Variants in BICD1 observed in about 807,000 individuals in gnomAD.
BICD1 encodes the protein protein bicaudal D homolog 1.
A neutral mutation model predicts 92.5 loss-of-function variants in BICD1; 35 were observed. The ratio of observed to expected loss-of-function variants is 0.38; its 90% CI spans 0.29 to 0.50. The LOEUF is 0.50. Ranked by LOEUF, BICD1 falls within the 20% of genes least tolerant of loss-of-function variation. BICD1 has a pLI of 0.93. For synonymous variants in BICD1, 429 were observed against 465.1 expected (o/e 0.92, Z 1.00); for missense variants, 950 against 1,189.8 (o/e 0.80, Z 2.97).
rs780512338 is a variant in BICD1, at chr12:32,327,458, C to T, written c.1006-3C>T. 6.3e-7 allele frequency: 1 copy of T among 1,590,226 alleles called. No homozygotes were observed. Among genetic ancestry groups the T allele is most frequent in the African/African-American group, 1.3e-5 (1 of 74,360 alleles). On this transcript the variant is annotated splice_polypyrimidine_tract_variant and splice_region_variant and intron_variant, in intron 4 of 9. Transcript: ENST00000652176. ...ATTCAGAAACTTTCTTTTGCCATTG[C>T]AGGTAGAGCGGGAAAAGGCCATTCT...
At chr12:32,244,545 G>T (rs918154631) in intron 2 of BICD1, among the ~76,000 whole-genome samples, 30 of 151,978 alleles carry the variant, frequency 2.0e-4, no homozygotes, top group African/African-American at 7.2e-4. Flanking sequence ...CAGCTGACAG[G>T]TACACAAGGG....
intron 1 of BICD1, among the ~76,000 whole-genome samples, chr12:32,173,045 G>GT (rs542190430): frequency 0.1 from 14,239 of 142,872 alleles, 750 homozygotes; most frequent in Admixed American, 0.18. Flanking sequence ...CAGAGGCAGA[G>GT]TTTTTTTTTT....
chr12:32,174,822 A>T (rs1009422181), intron 1 of BICD1, among the ~76,000 whole-genome samples: 2 of 152,186 alleles, frequency 1.3e-5, no homozygotes, highest in African/African-American at 2.4e-5. Flanking sequence ...CGCTTAAATC[A>T]TTCAGATCTG....
intron 1 of BICD1, among the ~76,000 whole-genome samples, chr12:32,129,967 G>C (rs1237407379): frequency 1.3e-5 from 2 of 152,162 alleles, no homozygotes; most frequent in East Asian, 3.8e-4. Flanking sequence ...GAAATAGTGC[G>C]ATGTGGATGA....
intron 1 of BICD1, among the ~76,000 whole-genome samples, chr12:32,211,628 C>G (rs983157973): frequency 6.6e-6 from 1 of 151,610 alleles, no homozygotes; most frequent in African/African-American, 2.4e-5. Flanking sequence ...ATTGCTTTTA[C>G]TCAGGCAGAG....
chr12:32,252,077 T>TATTATATATTATATATTTATAATAC (rs1946553068), intron 2 of BICD1, among the ~76,000 whole-genome samples: 1 of 33,138 alleles, frequency 3.0e-5, no homozygotes, highest in Non-Finnish European at 5.5e-5. Flanking sequence ...ATTTATAATA[T>TATTATATATTATATATTTATAATAC]ATATTTATAA....
intron 1 of BICD1, among the ~76,000 whole-genome samples, chr12:32,198,200 C>T (rs1447939015): frequency 2.0e-5 from 3 of 150,378 alleles, no homozygotes; most frequent in African/African-American, 4.9e-5. Context: ...AGCAAAACTT[C>T]GTCTGAAAAA....
chr12:32,328,357 C>T lies in BICD1; in HGVS notation c.1902C>T (p.Asp634=). ...NIYNLNAIIR[D]QIKHLQKAVD... is the part of the protein sequence containing the mutation. ...ACAACCTTAATGCCATAATCCGGGACCAAATCAAGCATCTGCAGAAAGCTG... is the reference window on the plus strand; with the variant it reads ...ACAACCTTAATGCCATAATCCGGGATCAAATCAAGCATCTGCAGAAAGCTG... The change falls in exon 5 of 10, where the codon GAC becomes GAT. Residue 634 remains aspartate, a synonymous_variant. Coordinates refer to ENST00000652176, the MANE Select transcript of BICD1 (RefSeq NM_001714.4). The surrounding 1 kb of genome is among the most constrained non-coding windows in gnomAD (Gnocchi z 4.4). 3 of 1,614,222 alleles carry T rather than the reference C, an allele frequency of 1.9e-6. No individual in the cohort carries two copies. The highest frequency in any genetic ancestry group is 2.5e-6 in the Non-Finnish European group (3 of 1,180,050).
Position 32,337,784 on chromosome 12 carries a change from C to G in BICD1, c.2538C>G (p.Asn846Lys). 6.2e-7 allele frequency: 1 copy of G among 1,614,184 alleles called. No homozygotes were observed. The highest frequency in any genetic ancestry group is 8.5e-7 in the Non-Finnish European group (1 of 1,180,024). Reference sequence around the variant, plus strand: ...ATAGTCAGGGCCCACAGACACCCAACATTCGGGTCAGCAGTGGCACTCAGA... The same window carrying G: ...ATAGTCAGGGCCCACAGACACCCAAGATTCGGGTCAGCAGTGGCACTCAGA... ...LLHSQGPQTPNIRVSSGTQRK... is the reference protein window; with the variant it reads ...LLHSQGPQTPKIRVSSGTQRK... The change falls in exon 7 of 10, where the codon AAC (asparagine) becomes AAG (lysine). Residue 846 changes from asparagine (N) to lysine (K), a missense_variant. Coordinates refer to ENST00000652176, the MANE Select transcript of BICD1 (RefSeq NM_001714.4). The surrounding 1 kb of genome is among the most constrained non-coding windows in gnomAD (Gnocchi z 4.7).
chr12:32,300,541 G>T (rs1188170166), intron 3 of BICD1, among the ~76,000 whole-genome samples: 2 of 151,540 alleles, frequency 1.3e-5, no homozygotes, highest in African/African-American at 4.8e-5. Flanking sequence ...TCAGAGGGTT[G>T]GTTGAAATAC....
At chr12:32,154,308 C>T (rs1469860968) in intron 1 of BICD1, among the ~76,000 whole-genome samples, 2 of 152,110 alleles carry the variant, frequency 1.3e-5, no homozygotes, top group African/African-American at 4.8e-5. Context: ...AAGGCGAGGT[C>T]TATTGGAGAG....
intron 3 of BICD1, among the ~76,000 whole-genome samples, chr12:32,304,482 A>G (rs2936824): frequency 6.6e-6 from 1 of 152,236 alleles, no homozygotes; most frequent in East Asian, 1.9e-4. Context: ...ATGAAGGAAC[A>G]CTGAAGCACT....
intron 1 of BICD1, among the ~76,000 whole-genome samples, chr12:32,182,939 G>A (rs1944321615): frequency 1.4e-5 from 2 of 140,792 alleles, no homozygotes; most frequent in African/African-American, 5.4e-5. Flanking sequence ...CTGTTGACAA[G>A]GCTGGAATGC....
intron 2 of BICD1, among the ~76,000 whole-genome samples, chr12:32,260,788 G>A (rs1946838575): frequency 6.6e-6 from 1 of 152,082 alleles, no homozygotes; most frequent in South Asian, 2.1e-4. Flanking sequence ...TTCTAGCCTG[G>A]ATTCCTGTCT....
chr12:32,375,642 C>A (rs974185787), intron 9 of BICD1, among the ~76,000 whole-genome samples: 2 of 152,172 alleles, frequency 1.3e-5, no homozygotes. Flanking sequence ...CAATTTTTAT[C>A]ACTGCTTGTC....
intron 2 of BICD1, among the ~76,000 whole-genome samples, chr12:32,245,552 C>T (rs575929158): frequency 6.6e-6 from 1 of 152,178 alleles, no homozygotes; most frequent in Non-Finnish European, 1.5e-5. Context: ...GGCATGGGAT[C>T]TGAAGTCAGA....
chr12:32,343,520 T>C (rs1938460082), intron 8 of BICD1, among the ~76,000 whole-genome samples: 1 of 152,194 alleles, frequency 6.6e-6, no homozygotes, highest in South Asian at 2.1e-4. Flanking sequence ...ATGGCAAACC[T>C]GGGGAAGCAA....
At chr12:32,275,651 A>G (rs1947253843) in intron 2 of BICD1, among the ~76,000 whole-genome samples, 1 of 151,824 alleles carries the variant, frequency 6.6e-6, no homozygotes, top group African/African-American at 2.4e-5. Flanking sequence ...GCCGTCCACC[A>G]CTGCTGTTTG....
chr12:32,216,550 A>T, intron 2 of BICD1, 91 bp downstream of exon 2: 1 of 1,392,754 alleles, frequency 7.2e-7, no homozygotes, highest in Non-Finnish European at 9.8e-7. Context: ...TTTTGTTTTA[A>T]TCAGAGGAGC....
Sources: gnomAD v4.1 joint callset for allele counts (sites outside exome capture counted in the v4.1 genomes callset) on GRCh38, gnomAD v4.1.1 for gene constraint, Gnocchi (gnomAD v3.1) non-coding constraint, MANE v1.5 for transcripts, NCBI Gene and HGNC (gene_info 2026-07-23, HGNC 2026-07-21) for gene names.